The following NBR1 variants were observed in gnomAD, a reference collection of about 807,000 sequenced individuals.
The protein encoded by NBR1 is NBR1 autophagy cargo receptor.
In NBR1, 59 loss-of-function variants were observed where a neutral mutation model predicts 115.5. The ratio of observed to expected loss-of-function variants is 0.51; its 90% confidence interval spans 0.41 to 0.63. NBR1 has a LOEUF of 0.63. NBR1 is among the 30% of genes least tolerant of loss of function. The probability of loss-of-function intolerance (pLI) is 0.00; values close to 1 mark genes in which losing one functional copy is unlikely to be tolerated. For synonymous variants in NBR1, 373 were observed against 414.7 expected (o/e 0.90, Z 1.22); for missense variants, 1,043 against 1,150.5 (o/e 0.91, Z 1.35).
rs773950147 is a variant in NBR1, at chr17:43,200,401, C to T, written c.2261C>T (p.Ala754Val). The T allele has an allele frequency of 1.8e-5, 28 of 1,598,980 alleles. No homozygotes were observed. Among genetic ancestry groups the T allele is most frequent in the African/African-American group, 8.0e-5 (6 of 74,624 alleles). Reference sequence around the variant, plus strand: ...CTGGGGGATTCTATGTACAGCTCTGCGCTCTCACAGCCAGGCCTGGAGCGA... The same window carrying T: ...CTGGGGGATTCTATGTACAGCTCTGTGCTCTCACAGCCAGGCCTGGAGCGA... The part of the protein sequence containing the change: ...RPLGDSMYSS[A>V]LSQPGLERGA... The change falls in exon 17 of 21, where the codon GCG becomes GTG. Residue 754 changes from alanine (A) to valine (V), a missense_variant. Ala to Val is a moderately conservative substitution (Grantham distance 64). Coordinates refer to ENST00000590996, the MANE Select transcript of NBR1 (RefSeq NM_005899.5).
intron 5 of NBR1, among the ~76,000 whole-genome samples, chr17:43,185,155 A>G (rs2056770708): frequency 6.6e-6 from 1 of 151,600 alleles, no homozygotes; most frequent in African/African-American, 2.4e-5. Context: ...CTAATTTGCC[A>G]TCTTAAAACC....
At chr17:43,199,435 G>A (rs1357446559) in intron 16 of NBR1, among the ~76,000 whole-genome samples, 4 of 149,886 alleles carry the variant, frequency 2.7e-5, no homozygotes, top group East Asian at 2.0e-4. Context: ...GTGCAGCAGC[G>A]CGGTCTCGGC....
chr17:43,205,877 CAA>C (rs71361507), intron 20 of NBR1, among the ~76,000 whole-genome samples: 14 of 58,680 alleles, frequency 2.4e-4, no homozygotes, highest in South Asian at 7.3e-4. Context: ...GACCATGTCT[CAA>C]AAAAAAAAAA....
chr17:43,176,019 G>A (rs2056507675), intron 2 of NBR1, 118 bp downstream of exon 2: 3 of 580,848 alleles, frequency 5.2e-6, no homozygotes, highest in Admixed American at 6.9e-5. Context: ...ACCATTTCTG[G>A]GCCTTTTGGA....
chr17:43,170,550 C>G (rs1231245836), upstream of NBR1: 1 of 153,240 alleles, frequency 6.5e-6, no homozygotes, highest in African/African-American at 2.4e-5. Context: ...GTGTCCAAAG[C>G]AGTCTTAAGA....
chr17:43,200,511 C>G lies in NBR1; in HGVS notation c.2371C>G (p.Gln791Glu), dbSNP rs2057174169. Residue 791 changes from glutamine to glutamate, a missense_variant, in exon 17 of 21, where the codon CAG becomes GAG. Gln to Glu is a conservative substitution (Grantham distance 29, BLOSUM62 2). Transcript: ENST00000590996. ...ERLPGGENQPQEHSISDILTT... is the reference protein window; with the variant it reads ...ERLPGGENQPEEHSISDILTT... ...ACTCCCTGGAGGGGAGAACCAGCCA[C>G]AGGAGCACAGCATAAGTGACATCCT... 1 of 1,614,000 alleles carries G rather than the reference C, an allele frequency of 6.2e-7. No individual in the cohort carries two copies. Among genetic ancestry groups the G allele is most frequent in the Non-Finnish European group, 8.5e-7 (1 of 1,179,890 alleles).
chr17:43,179,473 A>T, intron 4 of NBR1, 61 bp downstream of exon 4: 2 of 1,432,146 alleles, frequency 1.4e-6, no homozygotes, highest in South Asian at 1.2e-5. Flanking sequence ...TCATTGAGGC[A>T]TTTCTATTTA....
chr17:43,209,488 G>A lies in NBR1; in HGVS notation c.2728-413G>A, dbSNP rs921440439. The A allele has an allele frequency of 8.6e-6, 11 of 1,274,944 alleles. No individual in the cohort carries two copies. The African/African-American group carries it at 1.5e-4, about 17-fold the overall frequency. The allele number at this position is 1,274,944 out of a possible 1,614,324, so 79.0% of individuals were successfully genotyped here. On this transcript the variant is annotated intron_variant, in intron 20 of 20. Transcript: ENST00000590996. ...TGCATATCTGACAAAATTTCCCATA[G>A]CATCTTTCAGTAACACTTTTATCTT...
chr17:43,185,803 C>T (rs1597979661), intron 5 of NBR1, among the ~76,000 whole-genome samples: 1 of 152,146 alleles, frequency 6.6e-6, no homozygotes. Flanking sequence ...TCGAGACCAG[C>T]CTAGCCAACA....
rs750402954 is a variant in NBR1 at position 43,203,666 on chromosome 17, G to T, written c.2622-15G>T. 2 of 1,551,374 alleles carry T rather than the reference G, an allele frequency of 1.3e-6. No homozygotes were observed. Among genetic ancestry groups the T allele is most frequent in the Non-Finnish European group, 8.9e-7 (1 of 1,129,674 alleles). On this transcript the variant is annotated splice_polypyrimidine_tract_variant and intron_variant, in intron 19 of 20. Coordinates refer to ENST00000590996, the MANE Select transcript of NBR1 (RefSeq NM_005899.5). The stretch of plus-strand genomic sequence containing the variant: ...TTGTGTTTGTTTGGGGAGATAATTT[G>T]GTTTTCCTCTGCAGGCACCATCATG...
At position 43,179,333 on chromosome 17, in the gene NBR1, A is replaced by G; in HGVS notation, c.166-61A>G. On this transcript the variant is annotated intron_variant, in intron 3 of 20. Transcript: ENST00000590996. The stretch of plus-strand genomic sequence containing the variant: ...TCTGTCCTATGGGGCTGGTCCTAGT[A>G]ACAGAAATGCTCAACTGATGAGACA... 2.0e-6 allele frequency: 3 copies of G among 1,522,234 alleles called. No individual in the cohort carries two copies. The South Asian group carries it at 3.4e-5, about 17-fold the overall frequency. The allele number at this position is 1,522,234 out of a possible 1,614,324, so 94.3% of individuals were successfully genotyped here. A position where few individuals can be genotyped will look rare whatever the true frequency, so the allele number is the denominator to read the frequency against.
At chr17:43,200,085 T>C (rs2057160711) in intron 16 of NBR1, 82 bp from the exon 17 acceptor site, 1 of 1,127,670 alleles carries the variant, frequency 8.9e-7, no homozygotes, top group Non-Finnish European at 1.3e-6. Context: ...TAGCTTATGA[T>C]CCACAAGGCT....
intron 19 of NBR1, among the ~76,000 whole-genome samples, chr17:43,203,183 A>T (rs933151890): frequency 3.3e-5 from 5 of 152,152 alleles, no homozygotes; most frequent in Admixed American, 2.6e-4. Context: ...TATGTTTCAG[A>T]CAAGGAAATA....
chr17:43,191,513 C>T lies in NBR1; in HGVS notation c.1005C>T (p.Ile335=), dbSNP rs983647643. Reference sequence around the variant, plus strand: ...GGAAAATTCACCTGTGGAATTCAATCCATGGACTCCAGAGCCCCAAGTCTC... The same window carrying T: ...GGAAAATTCACCTGTGGAATTCAATTCATGGACTCCAGAGCCCCAAGTCTC... ...LHRKIHLWNS[I]HGLQSPKSPL... Residue 335 remains isoleucine (I), a synonymous_variant, in exon 10 of 21, where the codon ATC becomes ATT. Coordinates refer to ENST00000590996, the MANE Select transcript of NBR1 (RefSeq NM_005899.5). 1.9e-6 allele frequency: 3 copies of T among 1,613,266 alleles called. No individual in the cohort carries two copies. Among genetic ancestry groups the T allele is most frequent in the South Asian group, 1.1e-5 (1 of 90,910 alleles).
At chr17:43,187,653 C>A (rs1056720945) in intron 6 of NBR1, among the ~76,000 whole-genome samples, 1 of 151,218 alleles carries the variant, frequency 6.6e-6, no homozygotes, top group African/African-American at 2.4e-5. Context: ...GGATTACAGG[C>A]ACACACCACC....
At chr17:43,177,304 T>A (rs1441192601) in intron 2 of NBR1, among the ~76,000 whole-genome samples, 2 of 149,664 alleles carry the variant, frequency 1.3e-5, no homozygotes, top group East Asian at 3.9e-4. Flanking sequence ...TTTTCGTTTT[T>A]TTTTTTTCTT....
chr17:43,188,178 C>G (rs1315104928), intron 6 of NBR1, among the ~76,000 whole-genome samples: 1 of 152,192 alleles, frequency 6.6e-6, no homozygotes, highest in Admixed American at 6.5e-5. Flanking sequence ...GCGTGAGCCA[C>G]TGCGCCCGGC....
In NBR1 at chr17:43,200,496, G is replaced by A. The variant is rs749118984; in HGVS notation, c.2356G>A (p.Gly786Arg). 60 of 1,613,740 alleles carry A rather than the reference G, an allele frequency of 3.7e-5. No individual in the cohort carries two copies. Among genetic ancestry groups the A allele is most frequent in the Non-Finnish European group, 4.9e-5 (58 of 1,179,844 alleles). Reference sequence around the variant, plus strand: ...TGAGGCTGGGGAAAGACTCCCTGGAGGGGAGAACCAGCCACAGGAGCACAG... The same window carrying A: ...TGAGGCTGGGGAAAGACTCCCTGGAAGGGAGAACCAGCCACAGGAGCACAG... The part of the protein sequence containing the change: ...PAEAGERLPG[G>R]ENQPQEHSIS... Residue 786 changes from glycine to arginine, a missense_variant, in exon 17 of 21, where the codon GGG becomes AGG. Gly to Arg is a moderately radical substitution (Grantham distance 125). Coordinates refer to ENST00000590996, the MANE Select transcript of NBR1 (RefSeq NM_005899.5).
At chr17:43,175,094 C>T (rs1425672397) in intron 1 of NBR1, among the ~76,000 whole-genome samples, 1 of 151,852 alleles carries the variant, frequency 6.6e-6, no homozygotes, top group Non-Finnish European at 1.5e-5. Context: ...AGCGAGACTC[C>T]GTCTCAAAAA....
Sources: gnomAD v4.1 joint callset for allele counts (sites outside exome capture counted in the v4.1 genomes callset) on GRCh38, gnomAD v4.1.1 for gene constraint, MANE v1.5 for transcripts, NCBI Gene and HGNC (gene_info 2026-07-23, HGNC 2026-07-21) for gene names.